Variants in MAN1C1 observed in about 807,000 individuals in gnomAD.
The protein encoded by MAN1C1 is mannosidase alpha class 1C member 1.
A neutral mutation model predicts 71.5 loss-of-function variants in MAN1C1; 49 were observed. The observed-to-expected ratio is 0.69, with a 90% CI of 0.54 to 0.87. MAN1C1 has a LOEUF of 0.87. MAN1C1 is among the 40% of genes least tolerant of loss of function. The probability of loss-of-function intolerance (pLI) is 0.00; values close to 1 mark genes in which losing one functional copy is unlikely to be tolerated. For synonymous variants in MAN1C1, 352 were observed against 343.7 expected (o/e 1.02, Z -0.27); for missense variants, 743 against 835.0 (o/e 0.89, Z 1.36).
chr1:25,653,127 C>A (rs745419064), intron 1 of MAN1C1, among the ~76,000 whole-genome samples: 2 of 151,920 alleles, frequency 1.3e-5, no homozygotes, highest in African/African-American at 4.8e-5. Flanking sequence ...TCCCAGGCTG[C>A]AGTGCAGTGG....
chr1:25,758,113 G>A (rs946548898), intron 5 of MAN1C1, among the ~76,000 whole-genome samples: 4 of 152,152 alleles, frequency 2.6e-5, no homozygotes, highest in Non-Finnish European at 5.9e-5. Flanking sequence ...AGAGCTAGGC[G>A]GGGACTCTGC....
intron 1 of MAN1C1, among the ~76,000 whole-genome samples, chr1:25,638,254 A>C (rs11247912): frequency 0.09 from 13,638 of 152,182 alleles, 1,353 homozygotes; most frequent in East Asian, 0.22. Context: ...CACAATCTAC[A>C]CTGAAATAAT....
chr1:25,694,143 G>C (rs2046341027), intron 2 of MAN1C1, among the ~76,000 whole-genome samples: 1 of 152,174 alleles, frequency 6.6e-6, no homozygotes, highest in Non-Finnish European at 1.5e-5. Flanking sequence ...CCTGGGTTTG[G>C]CTGGGTAAGG....
intron 2 of MAN1C1, among the ~76,000 whole-genome samples, chr1:25,696,303 G>C (rs1201037526): frequency 6.6e-6 from 1 of 152,200 alleles, no homozygotes; most frequent in Non-Finnish European, 1.5e-5. Context: ...ATCCTTTGTA[G>C]CCTGTGGTCC....
At chr1:25,676,551 G>A (rs1440735777) in intron 1 of MAN1C1, among the ~76,000 whole-genome samples, 1 of 152,118 alleles carries the variant, frequency 6.6e-6, no homozygotes, top group Non-Finnish European at 1.5e-5. Flanking sequence ...TGGAAGAGGA[G>A]AAAAAAATCA....
At chr1:25,639,762 A>G (rs1178956252) in intron 1 of MAN1C1, among the ~76,000 whole-genome samples, 1 of 152,174 alleles carries the variant, frequency 6.6e-6, no homozygotes, top group Non-Finnish European at 1.5e-5. Flanking sequence ...TGTAATTGGC[A>G]TTGGATGAGT....
chr1:25,674,914 A>G (rs1476360173), intron 1 of MAN1C1, among the ~76,000 whole-genome samples: 2 of 152,156 alleles, frequency 1.3e-5, no homozygotes, highest in Non-Finnish European at 2.9e-5. Flanking sequence ...GGACCCATCT[A>G]GGCCAGTCAG....
intron 1 of MAN1C1, among the ~76,000 whole-genome samples, chr1:25,667,992 G>C (rs546165579): frequency 3.9e-5 from 6 of 152,280 alleles, no homozygotes; most frequent in African/African-American, 1.4e-4. Flanking sequence ...CATTTGTAAG[G>C]CTAGGCCGGT....
chr1:25,778,753 G>T lies in MAN1C1; in HGVS notation c.1477+429G>T, dbSNP rs994398306. Among the ~76,000 whole-genome samples, 1 of 152,042 alleles carries T rather than the reference G, an allele frequency of 6.6e-6. No individual in the cohort carries two copies. Among genetic ancestry groups the T allele is most frequent in the African/African-American group, 2.4e-5 (1 of 41,368 alleles). On this transcript the variant is annotated intron_variant, in intron 9 of 11. Transcript: ENST00000374332. This position sits in a 1 kb window ranked among gnomAD's most constrained non-coding sequence, Gnocchi z 5.5. ...CAAATGTGCCTCTGCCTTTCCCCCG[G>T]CACCCTCCTTAGAGGGGGTTTCACC... is the stretch of plus-strand genomic sequence containing the variant.
At chr1:25,657,226 A>G (rs2045781243) in intron 1 of MAN1C1, among the ~76,000 whole-genome samples, 1 of 152,206 alleles carries the variant, frequency 6.6e-6, no homozygotes, top group Non-Finnish European at 1.5e-5. Context: ...TACCCAGGGC[A>G]CAGTTCTGGG....
At chr1:25,676,150 T>A (rs1201568908) in intron 1 of MAN1C1, among the ~76,000 whole-genome samples, 1 of 152,194 alleles carries the variant, frequency 6.6e-6, no homozygotes, top group African/African-American at 2.4e-5. Context: ...TAGAAACAGC[T>A]GCAGACAGGA....
intron 1 of MAN1C1, among the ~76,000 whole-genome samples, chr1:25,637,580 T>C (rs191438915): frequency 6.6e-6 from 1 of 152,246 alleles, no homozygotes; most frequent in Non-Finnish European, 1.5e-5. Flanking sequence ...GATAGGTTGA[T>C]AGTGTTCAAA....
chr1:25,712,781 G>A (rs2046630967), intron 2 of MAN1C1, among the ~76,000 whole-genome samples: 1 of 152,184 alleles, frequency 6.6e-6, no homozygotes, highest in Non-Finnish European at 1.5e-5. Flanking sequence ...TTAGGCTCCT[G>A]CATGGCGGTG....
intron 1 of MAN1C1, among the ~76,000 whole-genome samples, chr1:25,685,577 G>C (rs2124175979): frequency 6.6e-6 from 1 of 152,344 alleles, no homozygotes; most frequent in Admixed American, 6.5e-5. Flanking sequence ...GGCAGCTGGG[G>C]AGCAAGGTGC....
At position 25,782,585 on chromosome 1, in the gene MAN1C1, G is replaced by A. The variant is rs767737718; in HGVS notation, c.1651G>A (p.Ala551Thr). 3 of 1,611,500 alleles carry A rather than the reference G, an allele frequency of 1.9e-6. No homozygotes were observed. Among genetic ancestry groups the A allele is most frequent in the East Asian group, 2.2e-5 (1 of 44,854 alleles). The change falls in exon 11 of 12, where the codon GCC becomes ACC. Residue 551 changes from alanine to threonine, a missense_variant and splice_region_variant. Transcript: ENST00000374332. The surrounding 1 kb of genome is among the most constrained non-coding windows in gnomAD (Gnocchi z 4.4). Reference sequence around the variant, plus strand: ...TCCTCCTCCTCTTCCCCTTCCTCAGGCCTTGGAGAAATACTGTCGGACAGA... The same window carrying A: ...TCCTCCTCCTCTTCCCCTTCCTCAGACCTTGGAGAAATACTGTCGGACAGA... The part of the protein sequence containing the change: ...YREWGWEVVL[A>T]LEKYCRTEAG...
intron 7 of MAN1C1, 75 bp from the exon 8 acceptor site, chr1:25,771,582 C>A: frequency 1.8e-6 from 2 of 1,113,248 alleles, no homozygotes; most frequent in Non-Finnish European, 2.7e-6. Flanking sequence ...TGAGGTCAGG[C>A]GGGTGTGCGA....
Position 25,763,936 on chromosome 1 carries a change from C to T in MAN1C1, c.1110C>T (p.Phe370=), listed in dbSNP as rs1424362490. 6.2e-7 allele frequency: 1 copy of T among 1,613,848 alleles called. No individual in the cohort carries two copies. The highest frequency in any genetic ancestry group is 1.3e-5 in the African/African-American group (1 of 74,932). Reference sequence around the variant, plus strand: ...AGCCCTTTGGCCTCTACCCCAACTTCCTCAGCCCAGTGAGTGGGAACTGGG... The same window carrying T: ...AGCCCTTTGGCCTCTACCCCAACTTTCTCAGCCCAGTGAGTGGGAACTGGG... ...IEKPFGLYPN[F]LSPVSGNWVQ... is the part of the protein sequence containing the mutation. The change falls in exon 7 of 12, where the codon TTC becomes TTT. Residue 370 remains phenylalanine, a synonymous_variant. Coordinates refer to ENST00000374332, the MANE Select transcript of MAN1C1 (RefSeq NM_020379.4).
chr1:25,711,312 A>C lies in MAN1C1; in HGVS notation c.637+24776A>C, dbSNP rs946686492. On this transcript the variant is annotated intron_variant, in intron 2 of 11. Coordinates refer to ENST00000374332, the MANE Select transcript of MAN1C1 (RefSeq NM_020379.4). This position sits in a 1 kb window ranked among gnomAD's most constrained non-coding sequence, Gnocchi z 4.3. ...TTGATGGGAACAACCGCTAAGTCTCATGGCCAAAGTCAGGGCTACAGGGAG... is the reference window on the plus strand; with the variant it reads ...TTGATGGGAACAACCGCTAAGTCTCCTGGCCAAAGTCAGGGCTACAGGGAG... 6.6e-6 allele frequency among the ~76,000 whole-genome samples: 1 copy of C among 152,296 alleles called. No homozygotes were observed. The highest frequency in any genetic ancestry group is 2.4e-5 in the African/African-American group (1 of 41,562).
rs1422343674 is a variant in MAN1C1, at chr1:25,634,605, A to G, written c.540+16268A>G. Among the ~76,000 whole-genome samples the G allele has an allele frequency of 1.3e-5, 2 of 152,162 alleles. No individual in the cohort carries two copies. The highest frequency in any genetic ancestry group is 6.5e-5 in the Admixed American group (1 of 15,282). ...GAGGCTGAGGTGGGAGGATTGCCTGAGCTCAGCAGTTCGAGACCAGCCTGG... is the reference window on the plus strand; with the variant it reads ...GAGGCTGAGGTGGGAGGATTGCCTGGGCTCAGCAGTTCGAGACCAGCCTGG... On this transcript the variant is annotated intron_variant, in intron 1 of 11. Transcript: ENST00000374332. The surrounding 1 kb of genome is among the most constrained non-coding windows in gnomAD (Gnocchi z 4.6).
Sources: gnomAD v4.1 joint callset for allele counts (sites outside exome capture counted in the v4.1 genomes callset) on GRCh38, gnomAD v4.1.1 for gene constraint, Gnocchi (gnomAD v3.1) non-coding constraint, MANE v1.5 for transcripts, NCBI Gene and HGNC (gene_info 2026-07-23, HGNC 2026-07-21) for gene names.